PPEF1: variants seen among roughly 807,000 people sequenced by gnomAD.
PPEF1 encodes the protein serine/threonine-protein phosphatase with EF-hands 1.
A neutral mutation model predicts 53.3 loss-of-function variants in PPEF1; 12 were observed. The observed-to-expected ratio is 0.23, with a 90% confidence interval of 0.14 to 0.36. PPEF1 has a LOEUF of 0.36. Among genes scored for constraint, PPEF1 ranks in the 10% least tolerant of loss-of-function variants. The pLI is 1.00. For synonymous variants in PPEF1, 165 were observed against 176.7 expected, an observed-to-expected ratio of 0.93 and a Z score of 0.52; for missense variants, 334 against 490.4, an observed-to-expected ratio of 0.68 and a Z score of 3.01.
At chrX:18,766,642 CCTT>C (rs952208812) in intron 6 of PPEF1, among the ~76,000 whole-genome samples, 4 of 112,464 alleles carry the variant, frequency 3.6e-5, no homozygotes, top group Non-Finnish European at 7.5e-5. Context: ...ATCAGTAAAA[CCTT>C]CTCTCACGCA....
At chrX:18,792,993 A>G (rs2147640418) in intron 10 of PPEF1, among the ~76,000 whole-genome samples, 1 of 109,933 alleles carries the variant, frequency 9.1e-6, no homozygotes, top group East Asian at 2.9e-4. Flanking sequence ...TGAAGTGTGA[A>G]CTGGCCTTAT....
At chrX:18,720,829 G>T (rs1411252196) in intron 1 of PPEF1, among the ~76,000 whole-genome samples, 1 of 110,661 alleles carries the variant, frequency 9.0e-6, no homozygotes, top group African/African-American at 3.3e-5. Flanking sequence ...ATGCTTTGGT[G>T]TCTGAGTTCC....
rs189593522 is a variant in PPEF1 at position 18,699,504 on chromosome X, G to A, written c.-225-829G>A. Among the ~76,000 whole-genome samples, 51 of 111,869 alleles carry A rather than the reference G, an allele frequency of 4.6e-4. 1 individual carries two copies. In the East Asian group the frequency reaches 7.9e-3, roughly 17 times the overall value. On this transcript the variant is annotated intron_variant, in intron 5 of 21. Coordinates refer to the PPEF1 transcript ENST00000361511. ...TTGCCAGGGAAACTGCTGGCAGCGCGGCCGCGATCAGTATAAGACTCTGTG... is the reference window on the plus strand; with the variant it reads ...TTGCCAGGGAAACTGCTGGCAGCGCAGCCGCGATCAGTATAAGACTCTGTG...
At chrX:18,706,030 G>A (rs1406419465), upstream of PPEF1, among the ~76,000 whole-genome samples, 1 of 109,320 alleles carries the variant, frequency 9.1e-6, no homozygotes, top group African/African-American at 3.3e-5. Flanking sequence ...CACTTTGGGA[G>A]GACAAGGTCG....
intron 10 of PPEF1, among the ~76,000 whole-genome samples, chrX:18,798,917 TGTCCG>T (rs1157236655): frequency 9.1e-6 from 1 of 109,400 alleles, no homozygotes; most frequent in Non-Finnish European, 1.9e-5. Flanking sequence ...TGAGCCACCA[TGTCCG>T]GCCTGAGCAT....
chrX:18,778,589 A>G (rs2046015573), intron 6 of PPEF1, among the ~76,000 whole-genome samples: 1 of 111,374 alleles, frequency 9.0e-6, no homozygotes, highest in Admixed American at 9.6e-5. Flanking sequence ...CACAGCCCCA[A>G]GGAGCTGACC....
chrX:18,765,412 G>A (rs1470660035), intron 6 of PPEF1, among the ~76,000 whole-genome samples: 1 of 111,478 alleles, frequency 9.0e-6, no homozygotes, highest in Non-Finnish European at 1.9e-5. Context: ...TAATAAAATT[G>A]TACCATATAT....
chrX:18,685,619 G>A (rs935966416), intron 2 of PPEF1, among the ~76,000 whole-genome samples: 1 of 106,220 alleles, frequency 9.4e-6, no homozygotes, highest in African/African-American at 3.5e-5. Context: ...CGGGAGGCGG[G>A]GCTTGCAGTG....
At chrX:18,785,569 C>T (rs12395921) in intron 9 of PPEF1, among the ~76,000 whole-genome samples, 3,766 of 110,028 alleles carry the variant, frequency 0.034, 183 homozygotes, top group African/African-American at 0.12. Flanking sequence ...ATAGCACCTC[C>T]TTTTACTCTA....
At chrX:18,766,668 G>C (rs754575195) in intron 6 of PPEF1, among the ~76,000 whole-genome samples, 4 of 112,393 alleles carry the variant, frequency 3.6e-5, no homozygotes, top group Non-Finnish European at 5.6e-5. Context: ...GTTCACATGA[G>C]TTTGCCTGTC....
chrX:18,786,827 A>G (rs1057100999), intron 9 of PPEF1, among the ~76,000 whole-genome samples: 6 of 108,281 alleles, frequency 5.5e-5, no homozygotes, highest in Non-Finnish European at 1.1e-4. Flanking sequence ...GGCATATACT[A>G]CTAAACATAT....
upstream of PPEF1, among the ~76,000 whole-genome samples, chrX:18,704,300 A>G (rs1276666435): frequency 2.7e-5 from 3 of 111,753 alleles, no homozygotes; most frequent in Non-Finnish European, 5.6e-5. Context: ...CGAGATTTGG[A>G]TACTGTTGGA....
upstream of PPEF1, among the ~76,000 whole-genome samples, chrX:18,706,250 T>G (rs2044195372): frequency 1.0e-5 from 1 of 97,113 alleles, no homozygotes; most frequent in Non-Finnish European, 2.0e-5. Context: ...AATGCAAATA[T>G]ATTAGATCAG....
chrX:18,811,304 C>T (rs771677199), intron 12 of PPEF1, among the ~76,000 whole-genome samples: 11 of 110,946 alleles, frequency 9.9e-5, no homozygotes, highest in South Asian at 3.8e-4. Flanking sequence ...TTGCCCGCCT[C>T]GGCCTCCCAA....
upstream of PPEF1, among the ~76,000 whole-genome samples, chrX:18,702,862 G>GT (rs926591581): frequency 2.7e-5 from 3 of 110,643 alleles, no homozygotes; most frequent in Non-Finnish European, 5.7e-5. Flanking sequence ...GTTTCAAGCT[G>GT]TTTTTTTGCC....
intron 13 of PPEF1, among the ~76,000 whole-genome samples, chrX:18,820,175 TAAAA>T (rs1219408844): frequency 1.8e-5 from 2 of 111,624 alleles, no homozygotes; most frequent in Admixed American, 9.6e-5. Flanking sequence ...TTACTAGAAA[TAAAA>T]AAGGACATTT....
intron 13 of PPEF1, among the ~76,000 whole-genome samples, chrX:18,821,617 A>G (rs1164014922): frequency 9.1e-6 from 1 of 110,455 alleles, no homozygotes; most frequent in Non-Finnish European, 1.9e-5. Context: ...TCATCATGTT[A>G]GCCAGGCTGG....
intron 1 of PPEF1, among the ~76,000 whole-genome samples, chrX:18,713,407 T>G (rs2044369810): frequency 9.8e-6 from 1 of 101,924 alleles, no homozygotes; most frequent in East Asian, 3.1e-4. Flanking sequence ...GTTCAGAGTA[T>G]TCCCTTAAAA....
chrX:18,742,635 G>A (rs2045205015), intron 3 of PPEF1, among the ~76,000 whole-genome samples: 1 of 111,021 alleles, frequency 9.0e-6, no homozygotes, highest in African/African-American at 3.3e-5. Context: ...GAGGTGGATG[G>A]ATCACTTGAG....
Sources: allele counts gnomAD v4.1 joint callset (sites outside exome capture counted in the v4.1 genomes callset), GRCh38; gene constraint gnomAD v4.1.1; transcripts MANE v1.5; gene names NCBI Gene and HGNC (gene_info 2026-07-23, HGNC 2026-07-21).